CACNA2D4: variants seen among roughly 807,000 people sequenced by gnomAD.
CACNA2D4 encodes voltage-dependent calcium channel subunit alpha-2/delta-4.
A neutral mutation model predicts 163.8 loss-of-function variants in CACNA2D4; 157 were observed. The observed-to-expected ratio is 0.96, with a 90% CI of 0.84 to 1.09. CACNA2D4 has a LOEUF of 1.09. Among genes scored for constraint, CACNA2D4 ranks in the 50% least tolerant of loss-of-function variants. The pLI, the probability that CACNA2D4 is intolerant of heterozygous loss-of-function variation, is 0.00. For missense variants in CACNA2D4, 1,410 were observed against 1,479.9 expected, an observed-to-expected ratio of 0.95 and a Z score of 0.78; for synonymous variants, 598 against 586.9, an observed-to-expected ratio of 1.02 and a Z score of -0.27.
chr12:1,823,026 C>T (rs577543597), intron 26 of CACNA2D4, among the ~76,000 whole-genome samples: 1 of 152,292 alleles, frequency 6.6e-6, no homozygotes, highest in Admixed American at 6.5e-5. Context: ...AAGGGGGCGG[C>T]AGAGTAGGCT....
rs1046211848 is a variant in CACNA2D4, at chr12:1,802,524, C to G, written c.2722-880G>C. 3.9e-5 allele frequency among the ~76,000 whole-genome samples: 6 copies of G among 152,214 alleles called. No homozygotes were observed. Among genetic ancestry groups the G allele is most frequent in the Non-Finnish European group, 7.3e-5 (5 of 68,046 alleles). ...CCCTCCACTCTGCCACCTCTCATGGCCTCTGTACCTGCCTTGGCCTCTTGA... is the reference window on the plus strand; with the variant it reads ...CCCTCCACTCTGCCACCTCTCATGGGCTCTGTACCTGCCTTGGCCTCTTGA... On this transcript the variant is annotated intron_variant, in intron 29 of 37. Transcript: ENST00000382722. This position sits in a 1 kb window ranked among gnomAD's most constrained non-coding sequence, Gnocchi z 4.7.
At chr12:1,876,593 T>C (rs965958910) in intron 16 of CACNA2D4, among the ~76,000 whole-genome samples, 1 of 152,192 alleles carries the variant, frequency 6.6e-6, no homozygotes. Flanking sequence ...ACTGTGTATC[T>C]TGCTTCCGCC....
Position 1,834,792 on chromosome 12 carries a change from C to A in CACNA2D4, c.2551+5947G>T. 1 of 1,498,174 alleles carries A rather than the reference C, an allele frequency of 6.7e-7. No individual in the cohort carries two copies. Among genetic ancestry groups the A allele is most frequent in the Non-Finnish European group, 8.9e-7 (1 of 1,128,044 alleles). 92.8% of individuals were successfully genotyped at this position (1,498,174 alleles called of 1,614,324 possible). On this transcript the variant is annotated intron_variant, in intron 26 of 37. Transcript: ENST00000382722. This position sits in a 1 kb window ranked among gnomAD's most constrained non-coding sequence, Gnocchi z 7.6. ...CGGCATTGCTCAGCCACAGCTCCCA[C>A]CTTGACCCGGCGCTGGCCACTGCCT...
At chr12:1,819,231 C>G (rs765736045) in intron 26 of CACNA2D4, among the ~76,000 whole-genome samples, 4 of 152,078 alleles carry the variant, frequency 2.6e-5, no homozygotes, top group Admixed American at 6.5e-5. Flanking sequence ...GATGGAGAAG[C>G]AGGAAGTATG....
chr12:1,819,246 T>C (rs981367432), intron 26 of CACNA2D4, among the ~76,000 whole-genome samples: 2 of 152,134 alleles, frequency 1.3e-5, no homozygotes, highest in Non-Finnish European at 2.9e-5. Flanking sequence ...AGTATGTTTA[T>C]GGGGAGGTGG....
rs1209964353 is a variant in CACNA2D4 at position 1,883,719 on chromosome 12, G to A, written c.1351+524C>T. ...CCCATGGCCCCCGGCACCCTGAACA[G>A]TCTGTGTCTCTCCACCATCAAAGCA... On this transcript the variant is annotated intron_variant, in intron 12 of 37. Coordinates refer to ENST00000382722, the MANE Select transcript of CACNA2D4 (RefSeq NM_172364.5). This position sits in a 1 kb window ranked among gnomAD's most constrained non-coding sequence, Gnocchi z 4.5. Among the ~76,000 whole-genome samples the A allele has an allele frequency of 6.6e-6, 1 of 152,150 alleles. No homozygotes were observed. Among genetic ancestry groups the A allele is most frequent in the Non-Finnish European group, 1.5e-5 (1 of 68,026 alleles).
chr12:1,801,909 T>C (rs776982183), intron 29 of CACNA2D4, among the ~76,000 whole-genome samples: 2 of 152,164 alleles, frequency 1.3e-5, no homozygotes, highest in Non-Finnish European at 2.9e-5. Context: ...ACGTAGAGGC[T>C]GCAATGTGAT....
intron 18 of CACNA2D4, among the ~76,000 whole-genome samples, chr12:1,862,174 G>T (rs1006362410): frequency 2.6e-5 from 4 of 152,160 alleles, no homozygotes; most frequent in African/African-American, 4.8e-5. Context: ...TGGGGCTATA[G>T]TGAATAAAGC....
intron 26 of CACNA2D4, among the ~76,000 whole-genome samples, chr12:1,825,206 C>G (rs1864265196): frequency 6.6e-6 from 1 of 152,196 alleles, no homozygotes; most frequent in African/African-American, 2.4e-5. Flanking sequence ...TGGTTAACTC[C>G]TGGGCTCACA....
intron 18 of CACNA2D4, among the ~76,000 whole-genome samples, chr12:1,868,874 G>T (rs1339355324): frequency 1.3e-5 from 2 of 152,172 alleles, no homozygotes; most frequent in African/African-American, 4.8e-5. Flanking sequence ...AAACAATACA[G>T]TGTAGCTATT....
intron 19 of CACNA2D4, 106 bp downstream of exon 19, chr12:1,860,039 G>T: frequency 1.1e-6 from 1 of 874,530 alleles, no homozygotes; most frequent in Non-Finnish European, 1.8e-6. Flanking sequence ...TTTCCTGGAT[G>T]CTGACCTGGG....
At chr12:1,846,514 T>C (rs2154447929) in intron 24 of CACNA2D4, 80 bp downstream of exon 24, 2 of 1,172,604 alleles carry the variant, frequency 1.7e-6, no homozygotes, top group South Asian at 2.7e-5. Flanking sequence ...AGTCCACCCA[T>C]GGCCCAGGAA....
At chr12:1,797,312 G>A in intron 35 of CACNA2D4, 106 bp downstream of exon 35, 1 of 828,270 alleles carries the variant, frequency 1.2e-6, no homozygotes, top group Non-Finnish European at 2.0e-6. Flanking sequence ...CCCTCCTCCC[G>A]GCTGTGGAGC....
chr12:1,907,733 T>A (rs1237604948), intron 5 of CACNA2D4, 142 bp downstream of exon 5: 1 of 1,211,944 alleles, frequency 8.3e-7, no homozygotes, highest in Non-Finnish European at 1.2e-6. Context: ...CTGGTGGGCG[T>A]GCCTGGTGGG....
rs60874844 is a variant in CACNA2D4 at position 1,828,229 on chromosome 12, TG to T, written c.2551+12509del. 13,733 of 1,489,992 alleles carry T rather than the reference TG, an allele frequency of 9.2e-3. 910 individuals carry two copies. The African/African-American group carries it at 0.16, about 17-fold the overall frequency. The allele number at this position is 1,489,992 out of a possible 1,614,324, so 92.3% of individuals were successfully genotyped here. A position where few individuals can be genotyped will look rare whatever the true frequency, so the allele number is the denominator to read the frequency against. Reference sequence around the variant, plus strand: ...GGCAAGTCTCCTGTGAGTACACCCCTGGCCTCGGAGGGGGGTGCGGGTTGGG... The same window carrying T: ...GGCAAGTCTCCTGTGAGTACACCCCTGCCTCGGAGGGGGGTGCGGGTTGGG... On this transcript the variant is annotated intron_variant, in intron 26 of 37. Transcript: ENST00000382722. The surrounding 1 kb of genome is among the most constrained non-coding windows in gnomAD (Gnocchi z 4.2).
At position 1,907,890 on chromosome 12, in the gene CACNA2D4, T is replaced by C; in HGVS notation, c.634A>G (p.Asn212Asp). The change falls in exon 5 of 38, where the codon AAC (asparagine) becomes GAC (aspartate). Residue 212 changes from asparagine to aspartate, a missense_variant. By Grantham distance (23) the Asn-to-Asp change is conservative. Transcript: ENST00000382722. The stretch of plus-strand genomic sequence containing the variant: ...TGCCGGCTACCTTTGTTGTACACGT[T>C]GGTGGGCAGCTGCACGCTGCTGATG... ...TSISSVQLPT[N>D]VYNKDPDILN... 1 of 1,613,972 alleles carries C rather than the reference T, an allele frequency of 6.2e-7. No homozygotes were observed. The highest frequency in any genetic ancestry group is 8.5e-7 in the Non-Finnish European group (1 of 1,179,870).
At chr12:1,846,451 T>A (rs1865144870) in intron 24 of CACNA2D4, 143 bp downstream of exon 24, 1 of 651,060 alleles carries the variant, frequency 1.5e-6, no homozygotes, top group African/African-American at 1.8e-5. Flanking sequence ...TCAATCCCGA[T>A]CCTTCTGCCC....
rs141631513 is a variant in CACNA2D4 at position 1,873,526 on chromosome 12, C to T, written c.1878+1078G>A. On this transcript the variant is annotated intron_variant, in intron 18 of 37. Coordinates refer to ENST00000382722, the MANE Select transcript of CACNA2D4 (RefSeq NM_172364.5). ...TCAGTCTGTATTAGATACAGTATAG[C>T]CACATTCAGATCTACCTTTAAGCTG... is the stretch of plus-strand genomic sequence containing the variant. 2.6e-5 allele frequency among the ~76,000 whole-genome samples: 4 copies of T among 152,308 alleles called. No homozygotes were observed. The East Asian group carries it at 7.7e-4, about 29-fold the overall frequency.
intron 26 of CACNA2D4, among the ~76,000 whole-genome samples, chr12:1,831,690 C>A (rs1483322856): frequency 3.3e-5 from 5 of 152,174 alleles, no homozygotes; most frequent in Non-Finnish European, 7.3e-5. Flanking sequence ...CAAGCCTCCC[C>A]TCACATGAGC....
Sources: gnomAD v4.1 joint callset for allele counts (sites outside exome capture counted in the v4.1 genomes callset) on GRCh38, gnomAD v4.1.1 for gene constraint, Gnocchi (gnomAD v3.1) non-coding constraint, MANE v1.5 for transcripts, NCBI Gene and HGNC (gene_info 2026-07-23, HGNC 2026-07-21) for gene names.